The following NEGR1 variants were observed in gnomAD, a reference collection of about 807,000 sequenced individuals.
NEGR1 encodes the protein neuronal growth regulator 1.
Under a neutral mutation model 40.9 loss-of-function variants are expected in NEGR1, and 10 were observed. The observed-to-expected ratio is 0.24, with a 90% confidence interval of 0.15 to 0.42. The LOEUF (loss-of-function observed/expected upper bound fraction) is 0.42, where lower values mean the gene tolerates loss of function less well. NEGR1 is among the 10% of genes least tolerant of loss of function. The pLI, the probability that NEGR1 is intolerant of heterozygous loss-of-function variation, is 1.00. For synonymous variants in NEGR1, 185 were observed against 166.8 expected (o/e 1.11, Z -0.84); for missense variants, 352 against 438.9 (o/e 0.80, Z 1.77).
At chr1:72,188,868 T>C (rs1181407529) in intron 1 of NEGR1, among the ~76,000 whole-genome samples, 2 of 151,608 alleles carry the variant, frequency 1.3e-5, no homozygotes, top group East Asian at 1.9e-4. Flanking sequence ...GAATGACTTA[T>C]AGCCAGCTCT....
intron 6 of NEGR1, among the ~76,000 whole-genome samples, chr1:71,465,743 A>G (rs914221804): frequency 6.6e-6 from 1 of 152,084 alleles, no homozygotes; most frequent in African/African-American, 2.4e-5. Flanking sequence ...TAAATAGAAT[A>G]TGCACAAAAT....
chr1:71,841,124 C>T (rs1432757343), intron 2 of NEGR1, among the ~76,000 whole-genome samples: 1 of 152,042 alleles, frequency 6.6e-6, no homozygotes, highest in African/African-American at 2.4e-5. Flanking sequence ...AGAACCTTGA[C>T]TAATAAAACC....
intron 4 of NEGR1, among the ~76,000 whole-genome samples, chr1:71,695,736 A>C (rs902696291): frequency 6.6e-6 from 1 of 151,842 alleles, no homozygotes; most frequent in African/African-American, 2.4e-5. Flanking sequence ...TTGTAAGCAG[A>C]GACACTGACA....
chr1:72,069,172 G>A (rs1384933719), intron 1 of NEGR1, among the ~76,000 whole-genome samples: 1 of 152,066 alleles, frequency 6.6e-6, no homozygotes. Flanking sequence ...CACTTTGGGA[G>A]GCCAAGGTGG....
chr1:71,845,624 C>T (rs1370062593), intron 2 of NEGR1, among the ~76,000 whole-genome samples: 1 of 152,158 alleles, frequency 6.6e-6, no homozygotes, highest in Non-Finnish European at 1.5e-5. Context: ...AAGAGGTACT[C>T]TTCTTATCTC....
intron 6 of NEGR1, among the ~76,000 whole-genome samples, chr1:71,458,305 TAC>T (rs932138188): frequency 3.3e-5 from 5 of 152,216 alleles, no homozygotes; most frequent in African/African-American, 1.2e-4. Flanking sequence ...ACTCTTATTA[TAC>T]ATACCATTCC....
chr1:71,912,954 C>G (rs1661461756), intron 2 of NEGR1, among the ~76,000 whole-genome samples: 1 of 152,000 alleles, frequency 6.6e-6, no homozygotes, highest in Non-Finnish European at 1.5e-5. Context: ...ATTTTTAGCA[C>G]TAATTTTAAA....
intron 6 of NEGR1, among the ~76,000 whole-genome samples, chr1:71,560,256 T>C (rs912315336): frequency 4.6e-5 from 7 of 151,096 alleles, no homozygotes; most frequent in African/African-American, 1.2e-4. Flanking sequence ...ATTATCTGTC[T>C]CAAGGTTAAG....
chr1:71,829,502 G>T lies in NEGR1; in HGVS notation c.410-53205C>A, dbSNP rs545477556. 1.6e-4 allele frequency among the ~76,000 whole-genome samples: 24 copies of T among 151,860 alleles called. No individual in the cohort carries two copies. In the South Asian group the frequency reaches 4.8e-3, roughly 30 times the overall value. ...CTGCCTACAGCTCTGCAATACCTCA[G>T]GCCTAGACTCTAAGGTCCCGAACAC... On this transcript the variant is annotated intron_variant, in intron 2 of 6. Transcript: ENST00000357731.
At chr1:71,999,654 T>TATATATATATATATATATAC (rs1646538225) in intron 1 of NEGR1, among the ~76,000 whole-genome samples, 2 of 46,846 alleles carry the variant, frequency 4.3e-5, no homozygotes, top group Non-Finnish European at 1.1e-4. Context: ...TATATATATA[T>TATATATATATATATATATAC]ATATATATAT....
intron 3 of NEGR1, among the ~76,000 whole-genome samples, chr1:71,704,818 G>GA (rs1034606536): frequency 6.6e-6 from 1 of 151,468 alleles, no homozygotes; most frequent in Admixed American, 6.6e-5. Flanking sequence ...AATATCAAAA[G>GA]AAAAAATAAT....
intron 2 of NEGR1, among the ~76,000 whole-genome samples, chr1:71,885,283 C>T (rs767738648): frequency 5.9e-5 from 9 of 152,162 alleles, no homozygotes; most frequent in Non-Finnish European, 1.3e-4. Flanking sequence ...GCATTTCAAA[C>T]CATTGAGGTA....
At position 72,276,665 on chromosome 1, in the gene NEGR1, A is replaced by G. The variant is rs142550626; in HGVS notation, c.176+5654T>C. On this transcript the variant is annotated intron_variant, in intron 1 of 6. Transcript: ENST00000357731. Reference sequence around the variant, plus strand: ...TCAATATTCTTATGGTTTAACTTCTATGCGTGTTTCCTTAAAAAACTATTA... The same window carrying G: ...TCAATATTCTTATGGTTTAACTTCTGTGCGTGTTTCCTTAAAAAACTATTA... Among the ~76,000 whole-genome samples, 363 of 152,156 alleles carry G rather than the reference A, an allele frequency of 2.4e-3. 2 individuals carry two copies. Among genetic ancestry groups the G allele is most frequent in the African/African-American group, 8.3e-3 (345 of 41,522 alleles).
At chr1:72,220,377 G>A (rs1653972404) in intron 1 of NEGR1, among the ~76,000 whole-genome samples, 2 of 151,620 alleles carry the variant, frequency 1.3e-5, no homozygotes. Context: ...TAGTTACCGG[G>A]GACCATATGA....
intron 2 of NEGR1, among the ~76,000 whole-genome samples, chr1:71,899,379 G>A (rs986922178): frequency 6.6e-6 from 1 of 151,970 alleles, no homozygotes; most frequent in Admixed American, 6.6e-5. Context: ...CAGATGGGAA[G>A]GCAGATAGGA....
At chr1:71,499,771 G>C (rs1400594394) in intron 6 of NEGR1, among the ~76,000 whole-genome samples, 2 of 151,862 alleles carry the variant, frequency 1.3e-5, no homozygotes, top group Non-Finnish European at 2.9e-5. Context: ...TCCTGATCTA[G>C]TGCAATCTAT....
intron 4 of NEGR1, among the ~76,000 whole-genome samples, chr1:71,671,778 T>C (rs1652441294): frequency 6.6e-6 from 1 of 152,196 alleles, no homozygotes; most frequent in African/African-American, 2.4e-5. Context: ...GGGTCCCCGT[T>C]AGTACCCAAT....
chr1:71,805,408 A>T (rs537099507), intron 2 of NEGR1, among the ~76,000 whole-genome samples: 1 of 152,110 alleles, frequency 6.6e-6, no homozygotes, highest in African/African-American at 2.4e-5. Flanking sequence ...CCGACATGTG[A>T]TGTCTCCCCC....
chr1:72,196,471 T>C (rs1653002297), intron 1 of NEGR1, among the ~76,000 whole-genome samples: 1 of 152,098 alleles, frequency 6.6e-6, no homozygotes, highest in Non-Finnish European at 1.5e-5. Flanking sequence ...AATTTTATAC[T>C]TAGAAAAATA....
Sources: allele counts gnomAD v4.1 joint callset (sites outside exome capture counted in the v4.1 genomes callset), GRCh38; gene constraint gnomAD v4.1.1; transcripts MANE v1.5; gene names NCBI Gene and HGNC (gene_info 2026-07-23, HGNC 2026-07-21).